The following TINF2 variants were observed in gnomAD, a reference collection of about 807,000 sequenced individuals.
The protein encoded by TINF2 is TERF1-interacting nuclear factor 2.
Under a neutral mutation model 50.4 loss-of-function variants are expected in TINF2, and 27 were observed. That is an observed-to-expected ratio of 0.54 (90% CI 0.40 to 0.74). The LOEUF is 0.74. TINF2 is among the 30% of genes least tolerant of loss of function. The pLI is 0.00. For synonymous variants in TINF2, 223 were observed against 214.6 expected, an observed-to-expected ratio of 1.04 and a Z score of -0.34; for missense variants, 496 against 551.5, an observed-to-expected ratio of 0.90 and a Z score of 1.01.
At position 24,240,336 on chromosome 14, in the gene TINF2, G is replaced by T; in HGVS notation, c.1062-6C>A. The T allele has an allele frequency of 6.2e-7, 1 of 1,614,026 alleles. No homozygotes were observed. Among genetic ancestry groups the T allele is most frequent in the Non-Finnish European group, 8.5e-7 (1 of 1,180,016 alleles). ...TGTAGCAATCCAAGCAATTCCTGAG[G>T]TGAGAGCAAGCAAAGAGGATAGGAT... On this transcript the variant is annotated splice_polypyrimidine_tract_variant and splice_region_variant and intron_variant, in intron 6 of 8. Transcript: ENST00000267415.
chr14:24,241,929 G>A lies in TINF2; in HGVS notation c.258C>T (p.His86=), dbSNP rs750637502. The part of the protein sequence containing the change: ...WAQVLKALNH[H]FPESGPIVRD... ...GCACTATAGGTCCAGATTCTGGAAA[G>A]TGGTGATTCAGGGCTTTCAGGACTT... Residue 86 remains histidine (H), a synonymous_variant, in exon 2 of 9, where the codon CAC becomes CAT. Coordinates refer to ENST00000267415, the MANE Select transcript of TINF2 (RefSeq NM_001099274.3). 6 of 1,614,252 alleles carry A rather than the reference G, an allele frequency of 3.7e-6. No homozygotes were observed. In the South Asian group the frequency reaches 5.5e-5, roughly 15 times the overall value.
In TINF2 at chr14:24,241,313, T is replaced by C; in HGVS notation, c.400-2A>G. ...TTCCCCATACTCTTGTTCAAGTTCCTACAGCAGGGGAGATTAGGTCAAAAG... is the reference window on the plus strand; with the variant it reads ...TTCCCCATACTCTTGTTCAAGTTCCCACAGCAGGGGAGATTAGGTCAAAAG... On this transcript the variant is annotated splice_acceptor_variant, in intron 3 of 8. Transcript: ENST00000267415. LOFTEE classifies it high-confidence loss of function. The C allele has an allele frequency of 6.2e-7, 1 of 1,612,360 alleles. No individual in the cohort carries two copies. Among genetic ancestry groups the C allele is most frequent in the Non-Finnish European group, 8.5e-7 (1 of 1,179,982 alleles).
At chr14:24,242,110 T>C (rs1238271106) in intron 1 of TINF2, 31 bp downstream of exon 1, 17 of 1,614,240 alleles carry the variant, frequency 1.1e-5, no homozygotes, top group Non-Finnish European at 1.4e-5. Context: ...CTTTCTTTCT[T>C]TCCCCTTCCA....
chr14:24,240,667 T>C lies in TINF2; in HGVS notation c.813A>G (p.Gln271=), dbSNP rs1221913100. The C allele has an allele frequency of 1.2e-6, 2 of 1,614,184 alleles. No homozygotes were observed. Among genetic ancestry groups the C allele is most frequent in the Admixed American group, 1.7e-5 (1 of 60,026 alleles). ...TATGGCCTCCCCTAGTGGAGGCCCA[T>C]TGGGACTGAACTCTTCGTCGGCCTA... ...APLGRRRVQS[Q]WASTRGGHKE... The change falls in exon 6 of 9, where the codon CAA becomes CAG. Residue 271 remains glutamine, a synonymous_variant. Transcript: ENST00000267415.
Position 24,242,368 on chromosome 14 carries a change from G to C in TINF2, c.-36C>G, listed in dbSNP as rs970623418. On this transcript the variant is annotated 5_prime_UTR_variant, in exon 1 of 9. Coordinates refer to ENST00000267415, the MANE Select transcript of TINF2 (RefSeq NM_001099274.3). ...CTCCGCCCGGAGGCGGTCCCTCCGG[G>C]TTCCTCACCCGGATGGGTGAGGCTT... 16 of 1,602,054 alleles carry C rather than the reference G, an allele frequency of 1.0e-5. No homozygotes were observed. The highest frequency in any genetic ancestry group is 6.9e-5 in the Admixed American group (4 of 58,378).
rs1359891417 is a variant in TINF2 at position 24,239,841 on chromosome 14, G to C, written c.1312C>G (p.Pro438Ala). ...TCTCTACAGTCACAGGAAGAAACAG[G>C]TATGGCACCGTGGCCAGAAGGGGGT... ...YLPPSGHGAI[P>A]VSSCDCRDSS... The change falls in exon 9 of 9, where the codon CCT becomes GCT. Residue 438 changes from proline to alanine, a missense_variant. By Grantham distance (27) the Pro-to-Ala change is conservative (BLOSUM62 -1). This residue lies in a region of TINF2 where 179 missense variants were observed against 188.3 expected (regional missense o/e 0.95). Coordinates refer to ENST00000267415, the MANE Select transcript of TINF2 (RefSeq NM_001099274.3). The C allele has an allele frequency of 1.3e-5, 21 of 1,614,074 alleles. No homozygotes were observed. The highest frequency in any genetic ancestry group is 1.8e-5 in the Non-Finnish European group (21 of 1,180,042).
upstream of TINF2, chr14:24,242,672 G>C: frequency 8.6e-7 from 1 of 1,158,026 alleles, no homozygotes; most frequent in Non-Finnish European, 1.1e-6. Flanking sequence ...AGGGCGGTAA[G>C]AGGGAGCCAA....
chr14:24,240,203 G>A lies in TINF2; in HGVS notation c.1130-48C>T, dbSNP rs754105328. On this transcript the variant is annotated intron_variant, in intron 7 of 8. Transcript: ENST00000267415. Reference sequence around the variant, plus strand: ...AAACTACTACTTCTAGATGAACACAGGCTCTTGAGAGTCCCCAAGAGAGGA... The same window carrying A: ...AAACTACTACTTCTAGATGAACACAAGCTCTTGAGAGTCCCCAAGAGAGGA... 7 of 1,614,028 alleles carry A rather than the reference G, an allele frequency of 4.3e-6. No individual in the cohort carries two copies. The South Asian group carries it at 7.7e-5, about 18-fold the overall frequency.
Position 24,239,656 on chromosome 14 carries a change from A to T in TINF2, c.*141T>A. 1 of 1,560,278 alleles carries T rather than the reference A, an allele frequency of 6.4e-7. No individual in the cohort carries two copies. ...ATCAAGGCAGTATTTTAACAAATCC[A>T]AAGTTTAATTATTAAGGATTACAAA... On this transcript the variant is annotated 3_prime_UTR_variant, in exon 9 of 9. Coordinates refer to ENST00000267415, the MANE Select transcript of TINF2 (RefSeq NM_001099274.3).
At position 24,241,367 on chromosome 14, in the gene TINF2, C is replaced by G. The variant is rs150770946; in HGVS notation, c.400-56G>C. The G allele has an allele frequency of 2.5e-4, 395 of 1,565,868 alleles. 5 individuals are homozygous for G. The African/African-American group carries it at 4.5e-3, about 18-fold the overall frequency. On this transcript the variant is annotated intron_variant, in intron 3 of 8. Coordinates refer to ENST00000267415, the MANE Select transcript of TINF2 (RefSeq NM_001099274.3). ...GTTAGTGGCCAGGCACGGTGGCTCACGCCTGTAATCCTGGCCATTTGGGAG... is the reference window on the plus strand; with the variant it reads ...GTTAGTGGCCAGGCACGGTGGCTCAGGCCTGTAATCCTGGCCATTTGGGAG...
At position 24,239,838 on chromosome 14, in the gene TINF2, C is replaced by G. The variant is rs1464083474; in HGVS notation, c.1315G>C (p.Val439Leu). Residue 439 changes from valine (V) to leucine (L), a missense_variant, in exon 9 of 9, where the codon GTT becomes CTT. Val to Leu is a conservative substitution (Grantham distance 32, BLOSUM62 1). This residue lies in a region of TINF2 where 179 missense variants were observed against 188.3 expected (regional missense o/e 0.95). Coordinates refer to ENST00000267415, the MANE Select transcript of TINF2 (RefSeq NM_001099274.3). ...LPPSGHGAIP[V>L]SSCDCRDSSR... Reference sequence around the variant, plus strand: ...CTGTCTCTACAGTCACAGGAAGAAACAGGTATGGCACCGTGGCCAGAAGGG... The same window carrying G: ...CTGTCTCTACAGTCACAGGAAGAAAGAGGTATGGCACCGTGGCCAGAAGGG... The G allele has an allele frequency of 6.2e-7, 1 of 1,614,044 alleles. No individual in the cohort carries two copies. Among genetic ancestry groups the G allele is most frequent in the Non-Finnish European group, 8.5e-7 (1 of 1,180,032 alleles).
At position 24,242,496 on chromosome 14, in the gene TINF2, C is replaced by CG; in HGVS notation, c.-165_-164insC. On this transcript the variant is annotated 5_prime_UTR_variant, in exon 1 of 9. Coordinates refer to ENST00000267415, the MANE Select transcript of TINF2 (RefSeq NM_001099274.3). ...GACTCGGCTCCCTTCCATCGGCCCCCAGAATTCTGGGGGAGGGGGTCTTCT... is the reference window on the plus strand; with the variant it reads ...GACTCGGCTCCCTTCCATCGGCCCCCGAGAATTCTGGGGGAGGGGGTCTTCT... 1 of 1,433,470 alleles carries CG rather than the reference C, an allele frequency of 7.0e-7. No homozygotes were observed. Among genetic ancestry groups the CG allele is most frequent in the Admixed American group, 2.9e-5 (1 of 34,822 alleles). The allele number at this position is 1,433,470 out of a possible 1,614,324, so 88.8% of individuals were successfully genotyped here.
chr14:24,240,442 G>C lies in TINF2; in HGVS notation c.1038C>G (p.Asp346Glu). 1 of 1,614,198 alleles carries C rather than the reference G, an allele frequency of 6.2e-7. No individual in the cohort carries two copies. The highest frequency in any genetic ancestry group is 8.5e-7 in the Non-Finnish European group (1 of 1,180,030). Residue 346 changes from aspartate (D) to glutamate (E), a missense_variant, in exon 6 of 9, where the codon GAC (aspartate) becomes GAG (glutamate). Coordinates refer to ENST00000267415, the MANE Select transcript of TINF2 (RefSeq NM_001099274.3). ...GGRALKENPV[D>E]LPATEQKENC... ...ACTCCTTTTGCTCTGTGGCAGGCAA[G>C]TCAACTGGGTTCTCCTTCAGAGCCC...
chr14:24,240,470 C>T lies in TINF2; in HGVS notation c.1010G>A (p.Gly337Glu), dbSNP rs760146341. ...KSKSPCQTLGGRALKENPVDL... is the reference protein window; with the variant it reads ...KSKSPCQTLGERALKENPVDL... ...AACTGGGTTCTCCTTCAGAGCCCTT[C>T]CCCCCAGGGTCTGGCATGGACTCTT... The change falls in exon 6 of 9, where the codon GGA (glycine) becomes GAA (glutamate). Residue 337 changes from glycine to glutamate, a missense_variant. Physicochemically the swap from Gly to Glu is moderately conservative, Grantham distance 98. Around this residue, in one of 3 missense-constraint regions of TINF2, gnomAD observed 179 missense variants for 188.3 expected, o/e 0.95. Transcript: ENST00000267415. 6.2e-7 allele frequency: 1 copy of T among 1,614,144 alleles called. No individual in the cohort carries two copies. The highest frequency in any genetic ancestry group is 8.5e-7 in the Non-Finnish European group (1 of 1,180,010).
In TINF2 at chr14:24,242,004, ACT is replaced by A; in HGVS notation, c.193-12_193-11del. 6.2e-7 allele frequency: 1 copy of A among 1,614,106 alleles called. No homozygotes were observed. Among genetic ancestry groups the A allele is most frequent in the Non-Finnish European group, 8.5e-7 (1 of 1,179,932 alleles). The stretch of plus-strand genomic sequence containing the variant: ...TCAGCTCCACCACCACCTGTACGGT[ACT>A]GAATTCAGAATCCCCACTTCGGGGC... On this transcript the variant is annotated splice_polypyrimidine_tract_variant and intron_variant, in intron 1 of 8. Transcript: ENST00000267415.
In TINF2 at chr14:24,241,062, C is replaced by A. The variant is rs1273455586; in HGVS notation, c.562G>T (p.Ala188Ser). The A allele has an allele frequency of 6.2e-7, 1 of 1,614,026 alleles. No individual in the cohort carries two copies. The highest frequency in any genetic ancestry group is 8.5e-7 in the Non-Finnish European group (1 of 1,180,046). Residue 188 changes from alanine to serine, a missense_variant, in exon 5 of 9, where the codon GCC (alanine) becomes TCC (serine). Ala to Ser is a moderately conservative substitution (Grantham distance 99, BLOSUM62 1). Around this residue, in one of 3 missense-constraint regions of TINF2, gnomAD observed 314 missense variants for 343.8 expected, o/e 0.91. Coordinates refer to ENST00000267415, the MANE Select transcript of TINF2 (RefSeq NM_001099274.3). ...ATGTCCACACCATATTGTCTCCAGGCAAGAGAAGAGGTGATAGAGACTCCA... is the reference window on the plus strand; with the variant it reads ...ATGTCCACACCATATTGTCTCCAGGAAAGAGAAGAGGTGATAGAGACTCCA... ...QPGVSITSSLAWRQYGVDMGW... is the reference protein window; with the variant it reads ...QPGVSITSSLSWRQYGVDMGW...
At position 24,242,214 on chromosome 14, in the gene TINF2, G is replaced by T; in HGVS notation, c.119C>A (p.Ser40Tyr). 1 of 1,614,274 alleles carries T rather than the reference G, an allele frequency of 6.2e-7. No homozygotes were observed. The highest frequency in any genetic ancestry group is 8.5e-7 in the Non-Finnish European group (1 of 1,180,044). The change falls in exon 1 of 9, where the codon TCT (serine) becomes TAT (tyrosine). Residue 40 changes from serine (S) to tyrosine (Y), a missense_variant. Physicochemically the swap from Ser to Tyr is moderately radical, Grantham distance 144 (BLOSUM62 -2). This residue lies in a region of TINF2 where 314 missense variants were observed against 343.8 expected (regional missense o/e 0.91). Coordinates refer to ENST00000267415, the MANE Select transcript of TINF2 (RefSeq NM_001099274.3). ...CAAGCCAGGGGCAACAGCGCGCAGAGATCGCAGAAACTCCAGTACTCGCGG... is the reference window on the plus strand; with the variant it reads ...CAAGCCAGGGGCAACAGCGCGCAGATATCGCAGAAACTCCAGTACTCGCGG... ...HFPRVLEFLR[S>Y]LRAVAPGLVR...
Position 24,240,532 on chromosome 14 carries a change from T to G in TINF2, c.948A>C (p.Leu316=). 1 of 1,614,214 alleles carries G rather than the reference T, an allele frequency of 6.2e-7. No homozygotes were observed. Among genetic ancestry groups the G allele is most frequent in the Non-Finnish European group, 8.5e-7 (1 of 1,180,034 alleles). ...TGGAGGCTGCTCTTGTGCCCATGGC[T>G]AGGTCTGCTGTGTATATCGCATGTT... is the stretch of plus-strand genomic sequence containing the variant. ...KEEHAIYTAD[L]AMGTRAASTG... Residue 316 remains leucine, a synonymous_variant, in exon 6 of 9, where the codon CTA becomes CTC. Transcript: ENST00000267415.
Position 24,240,795 on chromosome 14 carries a change from T to C in TINF2, c.685A>G (p.Asn229Asp). 1 of 1,613,976 alleles carries C rather than the reference T, an allele frequency of 6.2e-7. No homozygotes were observed. The highest frequency in any genetic ancestry group is 8.5e-7 in the Non-Finnish European group (1 of 1,180,022). ...CCAGGCTTGGCTTTTGGCAGGGGATTGTGGAGTGCTAGTCTTTGTTGCTGA... is the reference window on the plus strand; with the variant it reads ...CCAGGCTTGGCTTTTGGCAGGGGATCGTGGAGTGCTAGTCTTTGTTGCTGA... Reference protein sequence around the residue: ...PPQQQRLALHNPLPKAKPGTH... With the variant: ...PPQQQRLALHDPLPKAKPGTH... Residue 229 changes from asparagine to aspartate, a missense_variant, in exon 6 of 9, where the codon AAT (asparagine) becomes GAT (aspartate). By Grantham distance (23) the Asn-to-Asp change is conservative. Coordinates refer to ENST00000267415, the MANE Select transcript of TINF2 (RefSeq NM_001099274.3).
Sources: gnomAD v4.1 joint callset for allele counts on GRCh38, gnomAD v4.1.1 for gene constraint, gnomAD v4.1.1 regional missense constraint, MANE v1.5 for transcripts, NCBI Gene and HGNC (gene_info 2026-07-23, HGNC 2026-07-21) for gene names.